The following IMMP2L variants were observed in gnomAD, a reference collection of about 807,000 sequenced individuals.
IMMP2L encodes inner mitochondrial membrane peptidase subunit 2.
In IMMP2L, 18 loss-of-function variants were observed where a neutral mutation model predicts 19.3. That is an observed-to-expected ratio of 0.93 (90% CI 0.64 to 1.38). IMMP2L has a LOEUF of 1.38. IMMP2L is among the 40% of genes most tolerant of loss of function. The pLI is 0.00. For synonymous variants in IMMP2L, 76 were observed against 73.0 expected (o/e 1.04, Z -0.21); for missense variants, 233 against 218.2 (o/e 1.07, Z -0.43).
intron 5 of IMMP2L, among the ~76,000 whole-genome samples, chr7:110,747,438 C>A (rs1023237944): frequency 6.6e-5 from 10 of 152,084 alleles, no homozygotes; most frequent in Non-Finnish European, 1.5e-5. Context: ...CTGGCAGAGA[C>A]ACAACAAAAA....
intron 5 of IMMP2L, among the ~76,000 whole-genome samples, chr7:110,859,942 G>GTTC (rs1213633172): frequency 6.6e-6 from 1 of 151,916 alleles, no homozygotes; most frequent in East Asian, 1.9e-4. Flanking sequence ...TTTAAAACTT[G>GTTC]TTCTCATCTA....
intron 3 of IMMP2L, among the ~76,000 whole-genome samples, chr7:111,083,676 A>G (rs1369866917): frequency 1.3e-5 from 2 of 152,202 alleles, no homozygotes; most frequent in African/African-American, 2.4e-5. Flanking sequence ...GAAAAGGGGA[A>G]AGTCCCTGAC....
chr7:111,491,080 C>T (rs1401944779), intron 2 of IMMP2L, among the ~76,000 whole-genome samples: 3 of 152,044 alleles, frequency 2.0e-5, no homozygotes, highest in African/African-American at 4.8e-5. Flanking sequence ...AATATGAAGA[C>T]AGTGAGGATG....
At chr7:111,090,902 C>A (rs889574798) in intron 3 of IMMP2L, 6 of 152,026 alleles carry the variant, frequency 3.9e-5, no homozygotes, top group African/African-American at 1.5e-4. Flanking sequence ...CCCAACATTC[C>A]CTCAGAAAGG....
intron 3 of IMMP2L, among the ~76,000 whole-genome samples, chr7:111,093,046 C>CA (rs899885977): frequency 7.2e-5 from 11 of 151,952 alleles, no homozygotes; most frequent in Admixed American, 4.6e-4. Flanking sequence ...ATAAATGTGT[C>CA]AAAAAAATGA....
chr7:111,251,282 T>C (rs1255694307), intron 3 of IMMP2L, among the ~76,000 whole-genome samples: 2 of 152,198 alleles, frequency 1.3e-5, no homozygotes, highest in African/African-American at 4.8e-5. Context: ...AAAACACTTT[T>C]ACACTGTTTA....
At chr7:110,973,322 A>C (rs904540649) in intron 3 of IMMP2L, among the ~76,000 whole-genome samples, 10 of 152,190 alleles carry the variant, frequency 6.6e-5, no homozygotes, top group African/African-American at 2.4e-4. Context: ...TACCTTAATA[A>C]ATCTGGGGAA....
chr7:111,315,745 A>G (rs1747898977), intron 3 of IMMP2L, among the ~76,000 whole-genome samples: 1 of 151,820 alleles, frequency 6.6e-6, no homozygotes, highest in Non-Finnish European at 1.5e-5. Context: ...AAAAAAAAAA[A>G]GGCTTCATTT....
Position 111,554,019 on chromosome 7 carries a change from G to A in IMMP2L, c.-3+7832C>T, listed in dbSNP as rs375938797. On this transcript the variant is annotated intron_variant, in intron 1 of 5. Transcript: ENST00000405709. ...GTCTCAGTAACTTAACTAAGGATAC[G>A]TAACTATTAAAAGGAATTCAAGAAT... 1.1e-4 allele frequency among the ~76,000 whole-genome samples: 17 copies of A among 152,210 alleles called. No individual in the cohort carries two copies. In the East Asian group the frequency reaches 1.9e-3, roughly 17 times the overall value.
intron 3 of IMMP2L, among the ~76,000 whole-genome samples, chr7:111,452,981 C>T (rs996197537): frequency 6.6e-6 from 1 of 152,160 alleles, no homozygotes; most frequent in Non-Finnish European, 1.5e-5. Context: ...CAGTGTCTGA[C>T]ACATAGTAGG....
chr7:110,717,763 T>C (rs948219922), intron 5 of IMMP2L, among the ~76,000 whole-genome samples: 3 of 152,242 alleles, frequency 2.0e-5, no homozygotes, highest in African/African-American at 4.8e-5. Context: ...TGTGGAGTTT[T>C]GTTGGTAGAA....
intron 5 of IMMP2L, among the ~76,000 whole-genome samples, chr7:110,701,974 T>A (rs1411381161): frequency 6.6e-6 from 1 of 152,118 alleles, no homozygotes; most frequent in Non-Finnish European, 1.5e-5. Context: ...TCTCACTCTG[T>A]CATCTAGACT....
chr7:111,556,041 C>CACACACATA (rs1791313387), intron 1 of IMMP2L, among the ~76,000 whole-genome samples: 1 of 25,428 alleles, frequency 3.9e-5, no homozygotes, highest in African/African-American at 8.3e-5. Context: ...TATATACATA[C>CACACACATA]CCAAAGAAAA....
chr7:110,827,536 T>A (rs747606438), intron 5 of IMMP2L, among the ~76,000 whole-genome samples: 8 of 152,138 alleles, frequency 5.3e-5, no homozygotes, highest in Non-Finnish European at 8.8e-5. Flanking sequence ...GATTTCACAA[T>A]CAACTGGGGA....
chr7:110,734,271 C>T (rs1196441120), intron 5 of IMMP2L, among the ~76,000 whole-genome samples: 2 of 152,126 alleles, frequency 1.3e-5, no homozygotes, highest in East Asian at 3.9e-4. Context: ...ACAGTAAAGG[C>T]CATCCTGATG....
At chr7:110,776,626 C>T (rs1243100714) in intron 5 of IMMP2L, among the ~76,000 whole-genome samples, 1 of 151,982 alleles carries the variant, frequency 6.6e-6, no homozygotes, top group Non-Finnish European at 1.5e-5. Flanking sequence ...TGACTAACTG[C>T]ACTTGCATAC....
At chr7:111,353,677 G>A (rs1352175693) in intron 3 of IMMP2L, among the ~76,000 whole-genome samples, 1 of 152,126 alleles carries the variant, frequency 6.6e-6, no homozygotes, top group African/African-American at 2.4e-5. Context: ...GTCCAGTTCA[G>A]TGGGAAAAGG....
intron 3 of IMMP2L, among the ~76,000 whole-genome samples, chr7:111,239,630 C>G (rs1188038058): frequency 2.0e-5 from 3 of 151,928 alleles, no homozygotes; most frequent in African/African-American, 7.2e-5. Flanking sequence ...TTTGTAATCT[C>G]TTTATCTCTG....
intron 3 of IMMP2L, among the ~76,000 whole-genome samples, chr7:111,112,901 T>C (rs1238721693): frequency 1.3e-5 from 2 of 152,178 alleles, no homozygotes; most frequent in Non-Finnish European, 2.9e-5. Context: ...GTTTATTGCA[T>C]TTGAAAAAAT....
Sources: allele counts gnomAD v4.1 joint callset (sites outside exome capture counted in the v4.1 genomes callset), GRCh38; gene constraint gnomAD v4.1.1; transcripts MANE v1.5; gene names NCBI Gene and HGNC (gene_info 2026-07-23, HGNC 2026-07-21).